Variants in DGKD observed in about 807,000 individuals in gnomAD.
DGKD encodes DAG kinase delta.
DGKD carries 68 observed loss-of-function variants against 154.4 expected under a neutral mutation model. The observed-to-expected ratio is 0.44, with a 90% CI of 0.36 to 0.54. The LOEUF (loss-of-function observed/expected upper bound fraction) is 0.54. Among genes scored for constraint, DGKD ranks in the 20% least tolerant of loss-of-function variants. The pLI, the probability that DGKD is intolerant of heterozygous loss-of-function variation, is 0.00. For synonymous variants in DGKD, 693 were observed against 638.0 expected, an observed-to-expected ratio of 1.09 and a Z score of -1.30; for missense variants, 1,343 against 1,593.6, an observed-to-expected ratio of 0.84 and a Z score of 2.68.
intron 3 of DGKD, among the ~76,000 whole-genome samples, chr2:233,428,870 T>C (rs976359748): frequency 2.0e-5 from 3 of 146,820 alleles, no homozygotes; most frequent in African/African-American, 5.0e-5. Context: ...ATAAGAGGTT[T>C]TTTTTTGTTG....
At position 233,450,029 on chromosome 2, in the gene DGKD, C is replaced by T. The variant is rs1213638241; in HGVS notation, c.1936C>T (p.Leu646=). ...GACCCAGGAGCAGGAGGGCTTCGTC[C>T]TGGGCCTCTCTGAGTCAGAGGAGAA... is the stretch of plus-strand genomic sequence containing the variant. ...AQTQEQEGFV[L]GLSESEEKMD... Residue 646 remains leucine (L), a synonymous_variant, in exon 16 of 30, where the codon CTG becomes TTG. Transcript: ENST00000264057. 6.2e-7 allele frequency: 1 copy of T among 1,613,726 alleles called. No homozygotes were observed. The highest frequency in any genetic ancestry group is 1.7e-5 in the Admixed American group (1 of 60,004).
chr2:233,381,214 G>A (rs1181354923), intron 1 of DGKD, among the ~76,000 whole-genome samples: 1 of 152,214 alleles, frequency 6.6e-6, no homozygotes, highest in Non-Finnish European at 1.5e-5. Flanking sequence ...ACACTCCGTT[G>A]CCACCTTGGG....
chr2:233,409,805 T>G (rs1443626194), intron 3 of DGKD, among the ~76,000 whole-genome samples: 2 of 145,158 alleles, frequency 1.4e-5, no homozygotes, highest in Non-Finnish European at 3.0e-5. Context: ...TTTTTTTTTT[T>G]TTTTTTTTTT....
Position 233,472,068 on chromosome 2 carries a change from T to C in DGKD, c.*2608T>C, listed in dbSNP as rs1030756296. 6.6e-6 allele frequency: 1 copy of C among 152,406 alleles called. No individual in the cohort carries two copies. Among genetic ancestry groups the C allele is most frequent in the African/African-American group, 2.4e-5 (1 of 41,458 alleles). The allele number at this position is 152,406 out of a possible 1,614,324, so 9.4% of individuals were successfully genotyped here. A position where few individuals can be genotyped will look rare whatever the true frequency, so the allele number is the denominator to read the frequency against. On this transcript the variant is annotated 3_prime_UTR_variant, in exon 30 of 30. Transcript: ENST00000264057. ...TGCTGTACATAAGTTGTTCTGTGTA[T>C]AAATAAAACAAGCCTGTTTTTGATC...
At chr2:233,389,387 T>C (rs1272092959) in intron 2 of DGKD, among the ~76,000 whole-genome samples, 2 of 152,192 alleles carry the variant, frequency 1.3e-5, no homozygotes, top group Non-Finnish European at 2.9e-5. Flanking sequence ...ACCAGTGTGT[T>C]GGCTGGGATT....
chr2:233,470,219 C>T lies in DGKD; in HGVS notation c.*759C>T, dbSNP rs577429184. 6.6e-6 allele frequency: 1 copy of T among 152,626 alleles called. No individual in the cohort carries two copies. The allele number at this position is 152,626 out of a possible 1,614,324, so 9.5% of individuals were successfully genotyped here. ...GCCTGCCCTTCTGTCTCCGGACGCTCTAGGCGAGTTCAGCTTGGGGTGTGA... is the reference window on the plus strand; with the variant it reads ...GCCTGCCCTTCTGTCTCCGGACGCTTTAGGCGAGTTCAGCTTGGGGTGTGA... On this transcript the variant is annotated 3_prime_UTR_variant, in exon 30 of 30. Coordinates refer to ENST00000264057, the MANE Select transcript of DGKD (RefSeq NM_152879.3).
At chr2:233,446,828 G>A (rs372957264) in intron 12 of DGKD, 32 bp downstream of exon 12, 12 of 1,610,312 alleles carry the variant, frequency 7.5e-6, no homozygotes, top group South Asian at 1.1e-5. Flanking sequence ...CACCCTGCTC[G>A]CATGCTGATG....
chr2:233,433,645 CTG>C (rs757837331), intron 3 of DGKD, among the ~76,000 whole-genome samples: 1 of 152,162 alleles, frequency 6.6e-6, no homozygotes, highest in Non-Finnish European at 1.5e-5. Flanking sequence ...CCCATTTACT[CTG>C]TGATTATTCT....
At chr2:233,395,144 G>A (rs937844499) in intron 3 of DGKD, among the ~76,000 whole-genome samples, 3 of 150,272 alleles carry the variant, frequency 2.0e-5, no homozygotes, top group African/African-American at 7.3e-5. Flanking sequence ...GTGGCTGAAT[G>A]TATTGTGCTT....
intron 1 of DGKD, among the ~76,000 whole-genome samples, chr2:233,357,407 A>G (rs1313438719): frequency 6.6e-6 from 1 of 152,202 alleles, no homozygotes; most frequent in East Asian, 1.9e-4. Flanking sequence ...AGAATGTCTT[A>G]GGGCAGTGCT....
At chr2:233,357,533 CTTTCTTTTTTTT>C (rs1701582194) in intron 1 of DGKD, among the ~76,000 whole-genome samples, 1 of 142,720 alleles carries the variant, frequency 7.0e-6, no homozygotes. Context: ...TTCTTTCTTT[CTTTCTTTTTTTT>C]TTTTTTTTTT....
At chr2:233,434,689 G>C in intron 4 of DGKD, 80 bp from the exon 5 acceptor site, 1 of 1,566,750 alleles carries the variant, frequency 6.4e-7, no homozygotes, top group Non-Finnish European at 8.7e-7. Context: ...TGGATACTTT[G>C]TTTAATCTTG....
intron 3 of DGKD, among the ~76,000 whole-genome samples, chr2:233,420,386 A>T (rs1271472168): frequency 6.6e-6 from 1 of 151,990 alleles, no homozygotes; most frequent in African/African-American, 2.4e-5. Flanking sequence ...GAACCCAGCT[A>T]TGACTGCTTC....
intron 10 of DGKD, chr2:233,442,199 C>T: frequency 1.5e-6 from 1 of 685,068 alleles, no homozygotes; most frequent in Non-Finnish European, 2.7e-6. Flanking sequence ...GGCCCGGGGG[C>T]TCTGGCCATG....
At chr2:233,463,814 T>A in intron 26 of DGKD, 1 of 304,778 alleles carries the variant, frequency 3.3e-6, no homozygotes, top group Admixed American at 4.3e-5. Flanking sequence ...TGCTGCCTCC[T>A]GCAAGGTTCG....
rs146955244 is a variant in DGKD at position 233,429,316 on chromosome 2, C to T, written c.349-5064C>T. On this transcript the variant is annotated intron_variant, in intron 3 of 29. Coordinates refer to ENST00000264057, the MANE Select transcript of DGKD (RefSeq NM_152879.3). ...ATGCACAGTAAGGTATATTATCTTT[C>T]TCTTACTATATTTACTATGCTGACA... The T allele has an allele frequency of 9.5e-4, 932 of 985,124 alleles. 5 individuals carry two copies. In the African/African-American group the frequency reaches 0.015, roughly 16 times the overall value. The allele number at this position is 985,124 out of a possible 1,614,324, so 61.0% of individuals were successfully genotyped here.
chr2:233,405,498 AC>A (rs2061662396), intron 3 of DGKD, among the ~76,000 whole-genome samples: 1 of 152,018 alleles, frequency 6.6e-6, no homozygotes, highest in Non-Finnish European at 1.5e-5. Flanking sequence ...AGCCTGGGCA[AC>A]AAGAGTGAAA....
At chr2:233,451,571 T>A (rs2063294387) in intron 17 of DGKD, among the ~76,000 whole-genome samples, 1 of 133,256 alleles carries the variant, frequency 7.5e-6, no homozygotes, top group African/African-American at 3.0e-5. Context: ...TCTATAAGCC[T>A]TTTTTTTTTT....
intron 1 of DGKD, among the ~76,000 whole-genome samples, chr2:233,386,751 C>T (rs1703205468): frequency 6.6e-6 from 1 of 152,188 alleles, no homozygotes; most frequent in African/African-American, 2.4e-5. Flanking sequence ...CTCTGCCCTG[C>T]GCTGATCCTC....
Sources: allele counts gnomAD v4.1 joint callset (sites outside exome capture counted in the v4.1 genomes callset), GRCh38; gene constraint gnomAD v4.1.1; transcripts MANE v1.5; gene names NCBI Gene and HGNC (gene_info 2026-07-23, HGNC 2026-07-21).